TSPAN16: variants seen among roughly 807,000 people sequenced by gnomAD.
The protein encoded by TSPAN16 is tetraspanin-16.
In TSPAN16, 23 loss-of-function variants were observed where a neutral mutation model predicts 25.2. That is an observed-to-expected ratio of 0.91 (90% confidence interval 0.66 to 1.29). TSPAN16 has a LOEUF of 1.29. TSPAN16 is among the 50% of genes most tolerant of loss of function. The probability of loss-of-function intolerance (pLI) is 0.00; values close to 1 mark genes in which losing one functional copy is unlikely to be tolerated. For missense variants in TSPAN16, 272 were observed against 299.9 expected, an observed-to-expected ratio of 0.91 and a Z score of 0.69; for synonymous variants, 123 against 124.4, an observed-to-expected ratio of 0.99 and a Z score of 0.08.
At chr19:11,309,969 T>G (rs1033508481) in intron 5 of TSPAN16, among the ~76,000 whole-genome samples, 3 of 152,046 alleles carry the variant, frequency 2.0e-5, no homozygotes, top group African/African-American at 4.8e-5. Flanking sequence ...GGGTGTGGTG[T>G]TGTTGCACAC....
chr19:11,316,232 C>T (rs1380178206), downstream of TSPAN16, among the ~76,000 whole-genome samples: 1 of 151,722 alleles, frequency 6.6e-6, no homozygotes, highest in Non-Finnish European at 1.5e-5. Context: ...GAGTCTTCTG[C>T]CTCAGTCTCC....
At chr19:11,318,154 G>A (rs1374198298), downstream of TSPAN16, among the ~76,000 whole-genome samples, 1 of 151,670 alleles carries the variant, frequency 6.6e-6, no homozygotes, top group African/African-American at 2.4e-5. Context: ...AGCCTCCCGA[G>A]TAGCTGGGAC....
chr19:11,326,367 C>T lies in TSPAN16; in HGVS notation c.688-427C>T, dbSNP rs549403955. Among the ~76,000 whole-genome samples the T allele has an allele frequency of 2.0e-5, 3 of 152,254 alleles. No homozygotes were observed. The East Asian group carries it at 5.8e-4, about 29-fold the overall frequency. ...CTGCACACCAGCCTGGGTGATGGAGCAAGACCCTGTCTCAAAAACAAAACA... is the reference window on the plus strand; with the variant it reads ...CTGCACACCAGCCTGGGTGATGGAGTAAGACCCTGTCTCAAAAACAAAACA... On this transcript the variant is annotated intron_variant, in intron 6 of 6. Transcript: ENST00000316737.
downstream of TSPAN16, among the ~76,000 whole-genome samples, chr19:11,317,464 C>A (rs759580290): frequency 6.6e-6 from 1 of 151,950 alleles, no homozygotes; most frequent in East Asian, 1.9e-4. Context: ...TACAGGCATG[C>A]GCCACCACAC....
chr19:11,309,555 C>T (rs983523430), intron 5 of TSPAN16, among the ~76,000 whole-genome samples: 2 of 152,246 alleles, frequency 1.3e-5, no homozygotes, highest in Admixed American at 6.5e-5. Flanking sequence ...AGTCTTTACT[C>T]AACTGGCACT....
At chr19:11,306,119 T>G (rs563468321) in intron 4 of TSPAN16, among the ~76,000 whole-genome samples, 1 of 150,598 alleles carries the variant, frequency 6.6e-6, no homozygotes, top group Non-Finnish European at 1.5e-5. Context: ...AATACAAAAA[T>G]TAGCCAGGCG....
At chr19:11,320,008 C>CG (rs1000239102), downstream of TSPAN16, among the ~76,000 whole-genome samples, 3 of 151,498 alleles carry the variant, frequency 2.0e-5, no homozygotes, top group African/African-American at 2.4e-5. Flanking sequence ...TCAGTGGAGA[C>CG]GGGGTCTTAC....
chr19:11,306,542 T>C, intron 4 of TSPAN16, 62 bp from the exon 5 acceptor site: 3 of 1,597,776 alleles, frequency 1.9e-6, no homozygotes, highest in Non-Finnish European at 2.6e-6. Flanking sequence ...ATGGTAACCG[T>C]GATTTCTGAT....
intron 6 of TSPAN16, chr19:11,322,287 GAGT>G (rs2080784419): frequency 6.6e-6 from 1 of 151,862 alleles, no homozygotes; most frequent in Non-Finnish European, 1.5e-5. Context: ...TTTCTAAATG[GAGT>G]AGGAGAGAAA....
intron 4 of TSPAN16, among the ~76,000 whole-genome samples, chr19:11,305,192 T>G (rs1180825313): frequency 6.6e-6 from 1 of 152,152 alleles, no homozygotes; most frequent in Non-Finnish European, 1.5e-5. Flanking sequence ...GAGCACCTGC[T>G]ATGAGTCAGG....
chr19:11,325,381 G>C, intron 6 of TSPAN16: 2 of 1,505,160 alleles, frequency 1.3e-6, no homozygotes, highest in Non-Finnish European at 1.8e-6. Flanking sequence ...GGGTGGGTGG[G>C]GGGTTGGGGG....
chr19:11,311,142 A>T lies in TSPAN16; in HGVS notation c.604-997A>T, dbSNP rs564163914. 7.2e-5 allele frequency among the ~76,000 whole-genome samples: 11 copies of T among 152,148 alleles called. No individual in the cohort carries two copies. In the East Asian group the frequency reaches 2.1e-3, roughly 29 times the overall value. On this transcript the variant is annotated intron_variant, in intron 5 of 6. Coordinates refer to ENST00000590327, the MANE Select transcript of TSPAN16 (RefSeq NM_001282509.2). ...ATGAGCCATCGTGCCCAGCCTTATTAATTCTTTATTTAGAGATGGAGTCTC... is the reference window on the plus strand; with the variant it reads ...ATGAGCCATCGTGCCCAGCCTTATTTATTCTTTATTTAGAGATGGAGTCTC...
Position 11,314,846 on chromosome 19 carries a change from CT to C in TSPAN16, c.688-943del, listed in dbSNP as rs1439383565. ...CCATTCTCTCCTCCCGCTCACCCGT[CT>C]TCTCCCGGTGCTTCCTATTGGCCAA... On this transcript the variant is annotated intron_variant, in intron 6 of 6. Coordinates refer to ENST00000590327, the MANE Select transcript of TSPAN16 (RefSeq NM_001282509.2). Among the ~76,000 whole-genome samples the C allele has an allele frequency of 2.6e-5, 4 of 152,274 alleles. No homozygotes were observed. The East Asian group carries it at 7.7e-4, about 29-fold the overall frequency.
intron 5 of TSPAN16, among the ~76,000 whole-genome samples, chr19:11,307,132 T>A (rs1237317415): frequency 6.9e-6 from 1 of 143,908 alleles, no homozygotes; most frequent in Non-Finnish European, 1.5e-5. Context: ...TTTAGTTAGT[T>A]ATTTTGAGAT....
chr19:11,300,554 G>A (rs1348781085), intron 3 of TSPAN16, among the ~76,000 whole-genome samples: 2 of 152,192 alleles, frequency 1.3e-5, no homozygotes, highest in African/African-American at 2.4e-5. Context: ...AGAACAGCCA[G>A]ACGCAGAAAA....
At chr19:11,296,933 A>T (rs1357208573) in intron 1 of TSPAN16, among the ~76,000 whole-genome samples, 2 of 152,126 alleles carry the variant, frequency 1.3e-5, no homozygotes, top group Non-Finnish European at 2.9e-5. Flanking sequence ...CCAGCTACTC[A>T]GGAGGCTGAG....
rs762077644 is a variant in TSPAN16 at position 11,312,221 on chromosome 19, A to G, written c.686A>G (p.Gln229Arg). Residue 229 changes from glutamine (Q) to arginine (R), a missense_variant and splice_region_variant, in exon 6 of 7, where the codon CAG (glutamine) becomes CGG (arginine). By Grantham distance (43) the Gln-to-Arg change is conservative. Transcript: ENST00000590327. ...AGCTCTCTGGGAGCTGCAGTGATAC[A>G]GGTAAGACCCAGCCTCTCTAGGGTC... ...SGSSLGAAVI[Q>R]LPGILATLLL... 5 of 1,610,120 alleles carry G rather than the reference A, an allele frequency of 3.1e-6. No individual in the cohort carries two copies. Among genetic ancestry groups the G allele is most frequent in the Non-Finnish European group, 4.2e-6 (5 of 1,177,916 alleles).
chr19:11,318,987 G>A (rs967787779), downstream of TSPAN16, among the ~76,000 whole-genome samples: 1 of 151,692 alleles, frequency 6.6e-6, no homozygotes, highest in African/African-American at 2.4e-5. Context: ...CACCAAACAT[G>A]TGGGGTTTTC....
chr19:11,321,797 T>A (rs1224202268), intron 6 of TSPAN16, among the ~76,000 whole-genome samples: 1 of 152,134 alleles, frequency 6.6e-6, no homozygotes, highest in Non-Finnish European at 1.5e-5. Context: ...GCGCTGTGAC[T>A]CAGGTGTTCA....
Sources: gnomAD v4.1 joint callset for allele counts (sites outside exome capture counted in the v4.1 genomes callset) on GRCh38, gnomAD v4.1.1 for gene constraint, MANE v1.5 for transcripts, NCBI Gene and HGNC (gene_info 2026-07-23, HGNC 2026-07-21) for gene names.